Variants in IQGAP2 observed in about 807,000 individuals in gnomAD.
IQGAP2 encodes the protein ras GTPase-activating-like protein IQGAP2.
Under a neutral mutation model 201.3 loss-of-function variants are expected in IQGAP2, and 173 were observed. The observed-to-expected ratio is 0.86, with a 90% CI of 0.76 to 0.98. The LOEUF is 0.98. IQGAP2 is among the 50% of genes least tolerant of loss of function. The pLI is 0.00. For missense variants in IQGAP2, 1,687 were observed against 1,864.8 expected (o/e 0.90, Z 1.76); for synonymous variants, 675 against 673.9 (o/e 1.00, Z -0.03).
intron 2 of IQGAP2, among the ~76,000 whole-genome samples, chr5:76,545,578 A>G (rs1338643186): frequency 6.7e-6 from 1 of 150,334 alleles, no homozygotes; most frequent in East Asian, 1.9e-4. Context: ...TTTGTGTGTA[A>G]GTATTTTTAA....
rs189347715 is a variant in IQGAP2 at position 76,693,528 on chromosome 5, G to A, written c.3993+86G>A. The A allele has an allele frequency of 9.9e-4, 875 of 885,230 alleles. 15 individuals are homozygous for A. In the South Asian group the frequency reaches 0.013, roughly 13 times the overall value. 54.8% of individuals were successfully genotyped at this position (885,230 alleles called of 1,614,324 possible). A position where few individuals can be genotyped will look rare whatever the true frequency, so the allele number is the denominator to read the frequency against. ...TATGCCATATGTTTATTATCTCAGA[G>A]AAACTGTATCTGACATGGTCCGGAA... On this transcript the variant is annotated intron_variant, in intron 31 of 35. Transcript: ENST00000274364.
intron 13 of IQGAP2, among the ~76,000 whole-genome samples, chr5:76,614,711 A>T (rs1748767883): frequency 6.8e-6 from 1 of 146,378 alleles, no homozygotes; most frequent in Non-Finnish European, 1.5e-5. Flanking sequence ...CAGCCTCTCA[A>T]GTAGCTGGGA....
At position 76,426,281 on chromosome 5, in the gene IQGAP2, C is replaced by T. The variant is rs539645233; in HGVS notation, c.46+22690C>T. Among the ~76,000 whole-genome samples the T allele has an allele frequency of 5.3e-5, 8 of 152,302 alleles. No homozygotes were observed. The South Asian group carries it at 1.7e-3, about 32-fold the overall frequency. Reference sequence around the variant, plus strand: ...ATAAATCATCATCCAAACCTAGACACCTAGGAAAGGGGGATTCTGTTAGTT... The same window carrying T: ...ATAAATCATCATCCAAACCTAGACATCTAGGAAAGGGGGATTCTGTTAGTT... On this transcript the variant is annotated intron_variant, in intron 1 of 35. Coordinates refer to ENST00000274364, the MANE Select transcript of IQGAP2 (RefSeq NM_006633.5).
chr5:76,518,014 T>A lies in IQGAP2; in HGVS notation c.147-44382T>A, dbSNP rs183595324. Among the ~76,000 whole-genome samples the A allele has an allele frequency of 1.7e-3, 253 of 152,322 alleles. 2 individuals are homozygous for A. Among genetic ancestry groups the A allele is most frequent in the South Asian group, 0.014 (66 of 4,828 alleles). ...CTCTATCACCCAGGCTGGAGTGCAG[T>A]GGCATGATCTCAGCTCACTGCAACC... On this transcript the variant is annotated intron_variant, in intron 2 of 35. Coordinates refer to ENST00000274364, the MANE Select transcript of IQGAP2 (RefSeq NM_006633.5).
intron 1 of IQGAP2, among the ~76,000 whole-genome samples, chr5:76,430,649 CCT>C (rs1752316062): frequency 6.6e-6 from 1 of 152,188 alleles, no homozygotes; most frequent in South Asian, 2.1e-4. Flanking sequence ...AAGGGACCCA[CCT>C]CTCACTGGAA....
intron 28 of IQGAP2, among the ~76,000 whole-genome samples, chr5:76,677,983 T>C (rs1744971364): frequency 6.6e-6 from 1 of 152,042 alleles, no homozygotes; most frequent in Non-Finnish European, 1.5e-5. Context: ...AATATGCAGT[T>C]TAAGCCCTGA....
rs34251090 is a variant in IQGAP2, at chr5:76,626,270, C to CTTTTTTTTTTTTTTTTT, written c.1522-1137_1522-1121dup. 5.9e-4 allele frequency among the ~76,000 whole-genome samples: 49 copies of CTTTTTTTTTTTTTTTTT among 83,658 alleles called. 1 individual carries two copies. The highest frequency in any genetic ancestry group is 7.9e-4 in the African/African-American group (16 of 20,156). 54.9% of individuals were successfully genotyped at this position (83,658 alleles called of 152,430 possible). A position where few individuals can be genotyped will look rare whatever the true frequency, so the allele number is the denominator to read the frequency against. The stretch of plus-strand genomic sequence containing the variant: ...TTCTTTTTCTTTTTTTTCTTCTTTT[C>CTTTTTTTTTTTTTTTTT]TTTTTTTTTTTTTTTTTTTGTGAGA... On this transcript the variant is annotated intron_variant, in intron 13 of 35. Transcript: ENST00000274364.
chr5:76,700,686 G>T (rs1246088296), intron 33 of IQGAP2, among the ~76,000 whole-genome samples: 2 of 152,212 alleles, frequency 1.3e-5, no homozygotes, highest in Non-Finnish European at 2.9e-5. Flanking sequence ...TAGCCACATA[G>T]TGTTTGTTAA....
At chr5:76,547,027 A>G (rs1050208188) in intron 2 of IQGAP2, among the ~76,000 whole-genome samples, 1 of 152,182 alleles carries the variant, frequency 6.6e-6, no homozygotes, top group Non-Finnish European at 1.5e-5. Flanking sequence ...GGAAATCAAT[A>G]AGGGCTGGAC....
chr5:76,689,245 A>AAAAAAAAC (rs1561596023), intron 30 of IQGAP2, among the ~76,000 whole-genome samples: 1 of 149,602 alleles, frequency 6.7e-6, no homozygotes, highest in Non-Finnish European at 1.5e-5. Context: ...AAAAAAAAAA[A>AAAAAAAAC]AAAAAAAAAA....
chr5:76,429,604 T>TTTATA (rs1561365111), intron 1 of IQGAP2, among the ~76,000 whole-genome samples: 1 of 136,708 alleles, frequency 7.3e-6, no homozygotes, highest in African/African-American at 2.9e-5. Context: ...ATATGTATAT[T>TTTATA]TATATATATA....
intron 2 of IQGAP2, among the ~76,000 whole-genome samples, chr5:76,548,571 C>T (rs889831718): frequency 3.9e-5 from 6 of 152,170 alleles, no homozygotes; most frequent in Non-Finnish European, 8.8e-5. Flanking sequence ...GAGGTGACAA[C>T]CTGAATTTAA....
intron 2 of IQGAP2, among the ~76,000 whole-genome samples, chr5:76,549,181 C>T (rs919762238): frequency 6.6e-6 from 1 of 152,102 alleles, no homozygotes; most frequent in Non-Finnish European, 1.5e-5. Context: ...GTGCTTTTCT[C>T]CTATTAGCCC....
chr5:76,498,699 T>G (rs1369290476), intron 2 of IQGAP2, among the ~76,000 whole-genome samples: 1 of 152,176 alleles, frequency 6.6e-6, no homozygotes, highest in Non-Finnish European at 1.5e-5. Context: ...CTGATGTGGT[T>G]TATGTTGGTT....
rs1253663281 is a variant in IQGAP2, at chr5:76,454,322, GGGTACATGTGCACAATGTGCA to G, written c.47-7244_47-7224del. Among the ~76,000 whole-genome samples, 8 of 151,620 alleles carry G rather than the reference GGGTACATGTGCACAATGTGCA, an allele frequency of 5.3e-5. No individual in the cohort carries two copies. In the South Asian group the frequency reaches 1.5e-3, roughly 28 times the overall value. ...AATTATTATTATACTTTAAGTTTTA[GGGTACATGTGCACAATGTGCA>G]GGTTTGTTACATATGTATACATGTG... is the stretch of plus-strand genomic sequence containing the variant. On this transcript the variant is annotated intron_variant, in intron 1 of 35. Transcript: ENST00000274364.
At chr5:76,462,377 T>C (rs959305897) in intron 2 of IQGAP2, among the ~76,000 whole-genome samples, 2 of 152,184 alleles carry the variant, frequency 1.3e-5, no homozygotes, top group African/African-American at 4.8e-5. Context: ...GGGTATATTG[T>C]CTCTAAAATC....
At chr5:76,596,431 G>C (rs1747038223) in intron 9 of IQGAP2, among the ~76,000 whole-genome samples, 1 of 152,162 alleles carries the variant, frequency 6.6e-6, no homozygotes, top group African/African-American at 2.4e-5. Flanking sequence ...TGAATCTACT[G>C]TTCCAAGCAT....
At chr5:76,426,070 G>T (rs1223578734) in intron 1 of IQGAP2, among the ~76,000 whole-genome samples, 1 of 152,114 alleles carries the variant, frequency 6.6e-6, no homozygotes, top group Non-Finnish European at 1.5e-5. Flanking sequence ...CCCTTCATCG[G>T]CATCCAGTCA....
At chr5:76,550,605 AC>A (rs1346989718) in intron 2 of IQGAP2, among the ~76,000 whole-genome samples, 2 of 152,086 alleles carry the variant, frequency 1.3e-5, no homozygotes, top group African/African-American at 2.4e-5. Context: ...CACATCTTGC[AC>A]CGCCCTTAAT....
Sources: gnomAD v4.1 joint callset for allele counts (sites outside exome capture counted in the v4.1 genomes callset) on GRCh38, gnomAD v4.1.1 for gene constraint, MANE v1.5 for transcripts, NCBI Gene and HGNC (gene_info 2026-07-23, HGNC 2026-07-21) for gene names.